The following NRXN3 variants were observed in gnomAD, a reference collection of about 807,000 sequenced individuals.
NRXN3 encodes the protein neurexin III.
Under a neutral mutation model 137.6 loss-of-function variants are expected in NRXN3, and 32 were observed. That is an observed-to-expected ratio of 0.23 (90% CI 0.18 to 0.31). NRXN3 has a LOEUF of 0.31. Among genes scored for constraint, NRXN3 ranks in the 10% least tolerant of loss-of-function variants. The pLI, the probability that NRXN3 is intolerant of heterozygous loss-of-function variation, is 1.00. For synonymous variants in NRXN3, 798 were observed against 784.5 expected, an observed-to-expected ratio of 1.02 and a Z score of -0.29; for missense variants, 1,574 against 2,062.5, an observed-to-expected ratio of 0.76 and a Z score of 4.59.
intron 15 of NRXN3, among the ~76,000 whole-genome samples, chr14:79,086,767 G>A (rs1359166550): frequency 1.3e-5 from 2 of 152,158 alleles, no homozygotes; most frequent in Non-Finnish European, 2.9e-5. Context: ...AATGAAACAA[G>A]TTTGGACTTC....
chr14:79,867,501 T>C lies in NRXN3; in HGVS notation c.*5537T>C, dbSNP rs1340659952. On this transcript the variant is annotated 3_prime_UTR_variant, in exon 21 of 21. Coordinates refer to ENST00000335750, the MANE Select transcript of NRXN3 (RefSeq NM_001330195.2). ...CATGCACTGAGAGATTTCTTTTTCT[T>C]GCTCTTCTTATAAGACCACCAGTGC... 3 of 152,234 alleles carry C rather than the reference T, an allele frequency of 2.0e-5. No individual in the cohort carries two copies. Among genetic ancestry groups the C allele is most frequent in the African/African-American group, 7.2e-5 (3 of 41,446 alleles). 9.4% of individuals were successfully genotyped at this position (152,234 alleles called of 1,614,324 possible). A position where few individuals can be genotyped will look rare whatever the true frequency, so the allele number is the denominator to read the frequency against.
intron 19 of NRXN3, among the ~76,000 whole-genome samples, chr14:79,735,305 C>T (rs2098938088): frequency 6.6e-6 from 1 of 152,240 alleles, no homozygotes; most frequent in South Asian, 2.1e-4. Context: ...CATTATTTTA[C>T]AATGCAGTAT....
chr14:78,929,286 C>T (rs2099314993), intron 10 of NRXN3, among the ~76,000 whole-genome samples: 1 of 152,040 alleles, frequency 6.6e-6, no homozygotes, highest in Non-Finnish European at 1.5e-5. Flanking sequence ...GTTTGTTATA[C>T]AGATTATTTC....
At chr14:79,506,273 A>T (rs1161678842) in intron 16 of NRXN3, among the ~76,000 whole-genome samples, 1 of 152,176 alleles carries the variant, frequency 6.6e-6, no homozygotes, top group Admixed American at 6.5e-5. Flanking sequence ...ACAGTAAATG[A>T]CTGAAAAAAT....
intron 1 of NRXN3, among the ~76,000 whole-genome samples, chr14:78,181,752 T>C (rs1367997876): frequency 3.3e-5 from 5 of 152,148 alleles, no homozygotes; most frequent in Non-Finnish European, 7.4e-5. Context: ...ACTTTGGGGC[T>C]CATTTTAAAT....
At chr14:79,087,955 G>GA (rs2048437178) in intron 15 of NRXN3, among the ~76,000 whole-genome samples, 2 of 150,714 alleles carry the variant, frequency 1.3e-5, no homozygotes, top group African/African-American at 5.0e-5. Context: ...GTTGTTTCTG[G>GA]TTAAAGCAAC....
chr14:78,490,851 C>T (rs778131227), intron 4 of NRXN3, among the ~76,000 whole-genome samples: 9 of 152,140 alleles, frequency 5.9e-5, no homozygotes, highest in Admixed American at 2.0e-4. Context: ...TCCTAGGTCA[C>T]GGGGTAATAA....
chr14:79,009,741 T>G (rs1431320991), intron 15 of NRXN3, among the ~76,000 whole-genome samples: 1 of 152,190 alleles, frequency 6.6e-6, no homozygotes, highest in Non-Finnish European at 1.5e-5. Flanking sequence ...ATAAGAATCC[T>G]TCAGTCTCTG....
intron 15 of NRXN3, among the ~76,000 whole-genome samples, chr14:79,198,994 C>T (rs916148403): frequency 1.3e-5 from 2 of 152,050 alleles, no homozygotes; most frequent in Admixed American, 6.6e-5. Flanking sequence ...GTGAAACCCT[C>T]TCTCTACTAA....
At chr14:78,447,460 A>G (rs2094447536) in intron 4 of NRXN3, among the ~76,000 whole-genome samples, 1 of 152,218 alleles carries the variant, frequency 6.6e-6, no homozygotes, top group Non-Finnish European at 1.5e-5. Context: ...AACTTTTTTA[A>G]TATGTTGTTT....
chr14:79,834,059 T>A (rs1003369342), intron 20 of NRXN3, among the ~76,000 whole-genome samples: 4 of 152,138 alleles, frequency 2.6e-5, no homozygotes, highest in African/African-American at 9.6e-5. Context: ...ACATACATAT[T>A]TCTGAGTTGT....
intron 15 of NRXN3, among the ~76,000 whole-genome samples, chr14:79,416,282 C>T (rs868290324): frequency 2.6e-5 from 4 of 152,212 alleles, no homozygotes; most frequent in Middle Eastern, 3.4e-3. Context: ...TTTCACTGTC[C>T]CGTTCATTCT....
intron 4 of NRXN3, among the ~76,000 whole-genome samples, chr14:78,639,879 C>T (rs1403553798): frequency 6.6e-6 from 1 of 152,154 alleles, no homozygotes; most frequent in East Asian, 1.9e-4. Flanking sequence ...CCTCACAGAA[C>T]ATTGAGAGGA....
chr14:79,518,469 T>C (rs930672898), intron 16 of NRXN3, among the ~76,000 whole-genome samples: 3 of 152,122 alleles, frequency 2.0e-5, no homozygotes, highest in African/African-American at 7.2e-5. Context: ...TCTCTGTACC[T>C]AATTATGAAT....
intron 4 of NRXN3, among the ~76,000 whole-genome samples, chr14:78,486,821 G>A (rs76265667): frequency 6.6e-6 from 1 of 152,122 alleles, no homozygotes; most frequent in Admixed American, 6.6e-5. Context: ...TTGGGCACAG[G>A]TAGACTTATA....
chr14:79,164,293 C>T (rs1485260205), intron 15 of NRXN3, among the ~76,000 whole-genome samples: 1 of 151,916 alleles, frequency 6.6e-6, no homozygotes, highest in African/African-American at 2.4e-5. Flanking sequence ...TTGCCTGCAT[C>T]CAACAGACTG....
At chr14:79,658,661 A>ATTTTC (rs577551746) in intron 16 of NRXN3, among the ~76,000 whole-genome samples, 4 of 152,072 alleles carry the variant, frequency 2.6e-5, no homozygotes, top group Non-Finnish European at 5.9e-5. Flanking sequence ...GCCGCTCATT[A>ATTTTC]TTTTCTTTAC....
chr14:79,851,833 T>A (rs1278613597), intron 20 of NRXN3, among the ~76,000 whole-genome samples: 2 of 152,184 alleles, frequency 1.3e-5, no homozygotes, highest in African/African-American at 4.8e-5. Flanking sequence ...GGCATAGTTT[T>A]CCCCAACGTA....
chr14:79,438,061 C>G (rs2095871774), intron 15 of NRXN3, among the ~76,000 whole-genome samples: 1 of 152,130 alleles, frequency 6.6e-6, no homozygotes, highest in Non-Finnish European at 1.5e-5. Context: ...GAAAGTTGTC[C>G]TCAGTCTACT....
Sources: allele counts gnomAD v4.1 joint callset (sites outside exome capture counted in the v4.1 genomes callset), GRCh38; gene constraint gnomAD v4.1.1; transcripts MANE v1.5; gene names NCBI Gene and HGNC (gene_info 2026-07-23, HGNC 2026-07-21).